The following COPA variants were observed in gnomAD, a reference collection of about 807,000 sequenced individuals.
The protein encoded by COPA is coatomer subunit alpha.
Under a neutral mutation model 158.7 loss-of-function variants are expected in COPA, and 10 were observed. That is an observed-to-expected ratio of 0.06 (90% CI 0.04 to 0.11). The LOEUF (loss-of-function observed/expected upper bound fraction) is 0.11, where lower values mean the gene tolerates loss of function less well. Among genes scored for constraint, COPA ranks in the 10% least tolerant of loss-of-function variants. The pLI is 1.00. For synonymous variants in COPA, 462 were observed against 542.8 expected (o/e 0.85, Z 2.07); for missense variants, 1,065 against 1,536.7 (o/e 0.69, Z 5.13).
At chr1:160,313,017 T>G in intron 10 of COPA, 68 bp downstream of exon 10, 1 of 1,396,838 alleles carries the variant, frequency 7.2e-7, no homozygotes, top group Non-Finnish European at 1.0e-6. Context: ...GAGACAAAGC[T>G]AATAATCACT....
intron 6 of COPA, among the ~76,000 whole-genome samples, chr1:160,330,720 C>A (rs1420061046): frequency 6.6e-6 from 1 of 152,180 alleles, no homozygotes; most frequent in South Asian, 2.1e-4. Context: ...ATAGTTATCA[C>A]CTCAGCTGTA....
chr1:160,302,097 T>C (rs1658625716), intron 17 of COPA, among the ~76,000 whole-genome samples: 1 of 151,978 alleles, frequency 6.6e-6, no homozygotes, highest in Non-Finnish European at 1.5e-5. Context: ...AGAAACTAAA[T>C]TGTCATTACC....
intron 30 of COPA, 68 bp from the exon 31 acceptor site, chr1:160,291,564 C>T (rs981610134): frequency 1.9e-6 from 3 of 1,546,190 alleles, no homozygotes; most frequent in Non-Finnish European, 2.6e-6. Flanking sequence ...TTCTAAGCTG[C>T]TACACATGCA....
rs530407711 is a variant in COPA at position 160,317,422 on chromosome 1, C to A, written c.707-3297G>T. 51 of 1,608,434 alleles carry A rather than the reference C, an allele frequency of 3.2e-5. No individual in the cohort carries two copies. The African/African-American group carries it at 5.7e-4, about 18-fold the overall frequency. ...CATCATGTCTGACCAGGAGGCAAAA[C>A]CTTCAACTGAGGACTTGGGGGATAA... On this transcript the variant is annotated intron_variant, in intron 8 of 32. Transcript: ENST00000241704.
chr1:160,305,920 C>T (rs1571158804), intron 15 of COPA, 147 bp from the exon 16 acceptor site: 1 of 692,626 alleles, frequency 1.4e-6, no homozygotes, highest in East Asian at 2.7e-5. Context: ...GTAATTCCTA[C>T]ATAGTAGCTC....
chr1:160,341,930 A>T (rs1648084152), intron 1 of COPA, among the ~76,000 whole-genome samples: 1 of 152,218 alleles, frequency 6.6e-6, no homozygotes, highest in Non-Finnish European at 1.5e-5. Flanking sequence ...AGCAGAAAAG[A>T]AAACTGAAAG....
At position 160,332,394 on chromosome 1, in the gene COPA, T is replaced by C. The variant is rs1239269909; in HGVS notation, c.496+54A>G. The C allele has an allele frequency of 4.9e-6, 6 of 1,215,718 alleles. No individual in the cohort carries two copies. In the South Asian group the frequency reaches 7.9e-5, roughly 16 times the overall value. The allele number at this position is 1,215,718 out of a possible 1,614,324, so 75.3% of individuals were successfully genotyped here. A position where few individuals can be genotyped will look rare whatever the true frequency, so the allele number is the denominator to read the frequency against. On this transcript the variant is annotated intron_variant, in intron 6 of 32. Coordinates refer to ENST00000241704, the MANE Select transcript of COPA (RefSeq NM_004371.4). ...CAACTCTCCTCACTATTTTAAGCAA[T>C]TGCAGTTTTGCACCAGAGATGACCA... is the stretch of plus-strand genomic sequence containing the variant.
chr1:160,302,846 G>A (rs1360762177), intron 17 of COPA, among the ~76,000 whole-genome samples: 1 of 152,014 alleles, frequency 6.6e-6, no homozygotes, highest in Non-Finnish European at 1.5e-5. Flanking sequence ...GAGCGACCGT[G>A]CTGGGCCCGG....
rs1192406189 is a variant in COPA, at chr1:160,343,005, T to C, written c.40+126A>G. ...GCCAGGCCCAACCTCTCTCCCACCC[T>C]CCGTCTTCCTCCGGGTCCGTCTGGT... On this transcript the variant is annotated intron_variant, in intron 1 of 32. Transcript: ENST00000241704. 12 of 1,152,244 alleles carry C rather than the reference T, an allele frequency of 1.0e-5. No homozygotes were observed. In the East Asian group the frequency reaches 2.8e-4, roughly 27 times the overall value. 71.4% of individuals were successfully genotyped at this position (1,152,244 alleles called of 1,614,324 possible).
At position 160,325,590 on chromosome 1, in the gene COPA, C is replaced by A; in HGVS notation, c.559G>T (p.Val187Phe). The A allele has an allele frequency of 6.2e-7, 1 of 1,614,192 alleles. No homozygotes were observed. The highest frequency in any genetic ancestry group is 8.5e-7 in the Non-Finnish European group (1 of 1,180,032). Residue 187 changes from valine (V) to phenylalanine (F), a missense_variant, in exon 7 of 33, where the codon GTT becomes TTT. By Grantham distance (50) the Val-to-Phe change is conservative (BLOSUM62 -1). Coordinates refer to ENST00000241704, the MANE Select transcript of COPA (RefSeq NM_004371.4). ...VESDVRGITGVDLFGTTDAVV... is the reference protein window; with the variant it reads ...VESDVRGITGFDLFGTTDAVV... The stretch of plus-strand genomic sequence containing the variant: ...GCATCTGTAGTTCCAAATAGATCAA[C>A]CCCAGTTATTCCTCTCACATCCGAT...
At position 160,290,733 on chromosome 1, in the gene COPA, C is replaced by T. The variant is rs1658201991; in HGVS notation, c.3421-47G>A. ...TAGGAGGACAGAAGGCTGCAGACAA[C>T]ACCTCAAAGGATCCCAACACCATGG... On this transcript the variant is annotated intron_variant, in intron 31 of 32. Coordinates refer to ENST00000241704, the MANE Select transcript of COPA (RefSeq NM_004371.4). 11 of 1,566,888 alleles carry T rather than the reference C, an allele frequency of 7.0e-6. No individual in the cohort carries two copies. In the South Asian group the frequency reaches 1.1e-4, roughly 16 times the overall value.
intron 32 of COPA, 103 bp from the exon 33 acceptor site, chr1:160,290,319 G>A: frequency 7.0e-7 from 1 of 1,426,682 alleles, no homozygotes; most frequent in Non-Finnish European, 9.7e-7. Flanking sequence ...GACAGGTATT[G>A]GGGTGTTCAT....
intron 15 of COPA, 60 bp from the exon 16 acceptor site, chr1:160,305,833 A>G (rs1003427549): frequency 1.5e-6 from 2 of 1,354,576 alleles, no homozygotes; most frequent in African/African-American, 2.9e-5. Flanking sequence ...TCAGGCTTTG[A>G]TCTACATCAA....
At chr1:160,298,751 C>A in intron 19 of COPA, 94 bp downstream of exon 19, 1 of 1,464,682 alleles carries the variant, frequency 6.8e-7, no homozygotes, top group Non-Finnish European at 9.2e-7. Context: ...ATTATTCTGG[C>A]TAAAGAAGCA....
intron 17 of COPA, among the ~76,000 whole-genome samples, chr1:160,303,310 C>T (rs1226501445): frequency 1.3e-5 from 2 of 152,124 alleles, no homozygotes; most frequent in Admixed American, 1.3e-4. Flanking sequence ...AAAAGTTGTA[C>T]CAGATGTGAA....
intron 21 of COPA, 135 bp from the exon 22 acceptor site, chr1:160,296,284 G>T: frequency 1.5e-6 from 1 of 673,832 alleles, no homozygotes; most frequent in Non-Finnish European, 2.7e-6. Flanking sequence ...CACCTCTTAA[G>T]TGTGGGCTGG....
chr1:160,309,513 T>TACTCAACCTCTGGAAAGGAAAAAAAAA (rs1658894065), intron 12 of COPA, among the ~76,000 whole-genome samples: 1 of 150,836 alleles, frequency 6.6e-6, no homozygotes, highest in Non-Finnish European at 1.5e-5. Context: ...ATCAACTGAG[T>TACTCAACCTCTGGAAAGGAAAAAAAAA]ACTCAACCTC....
In COPA at chr1:160,292,641, C is replaced by G. The variant is rs774667468; in HGVS notation, c.2824-21G>C. 3.2e-6 allele frequency: 5 copies of G among 1,566,856 alleles called. No homozygotes were observed. The African/African-American group carries it at 5.5e-5, about 17-fold the overall frequency. The stretch of plus-strand genomic sequence containing the variant: ...AGGAGCTGGAACAGAAGGAAAGAAA[C>G]AAGGATTTTGGCCCTGCTGCATAAA... On this transcript the variant is annotated intron_variant, in intron 27 of 32. Coordinates refer to ENST00000241704, the MANE Select transcript of COPA (RefSeq NM_004371.4).
chr1:160,323,679 A>T (rs937441460), intron 7 of COPA, 149 bp from the exon 8 acceptor site: 2 of 455,076 alleles, frequency 4.4e-6, no homozygotes, highest in Non-Finnish European at 7.4e-6. Context: ...AATTTTGAGC[A>T]TCAGAATTAC....
Sources: gnomAD v4.1 joint callset for allele counts (sites outside exome capture counted in the v4.1 genomes callset) on GRCh38, gnomAD v4.1.1 for gene constraint, MANE v1.5 for transcripts, NCBI Gene and HGNC (gene_info 2026-07-23, HGNC 2026-07-21) for gene names.